The following TBXAS1 variants were observed in gnomAD, a reference collection of about 807,000 sequenced individuals.
The protein encoded by TBXAS1 is thromboxane A synthase 1, also known as thromboxane-A synthase.
A neutral mutation model predicts 60.7 loss-of-function variants in TBXAS1; 48 were observed. The observed-to-expected ratio is 0.79, with a 90% CI of 0.63 to 1.01. The LOEUF (loss-of-function observed/expected upper bound fraction) is 1.01, where lower values mean the gene tolerates loss of function less well. Ranked by LOEUF, TBXAS1 falls within the 50% of genes least tolerant of loss-of-function variation. The pLI, the probability that TBXAS1 is intolerant of heterozygous loss-of-function variation, is 0.00. For synonymous variants in TBXAS1, 287 were observed against 269.7 expected, an observed-to-expected ratio of 1.06 and a Z score of -0.63; for missense variants, 685 against 686.3, an observed-to-expected ratio of 1.00 and a Z score of 0.02.
chr7:140,016,997 T>G (rs150092733), intron 11 of TBXAS1, among the ~76,000 whole-genome samples: 1 of 152,344 alleles, frequency 6.6e-6, no homozygotes, highest in African/African-American at 2.4e-5. Context: ...GAACAGTGAG[T>G]GCCACCTAGC....
intron 4 of TBXAS1, among the ~76,000 whole-genome samples, chr7:139,925,586 G>T (rs1181059835): frequency 2.6e-5 from 4 of 152,244 alleles, no homozygotes; most frequent in South Asian, 2.1e-4. Context: ...CATATCATCT[G>T]CAAACAAAGA....
At chr7:139,950,462 G>GT (rs1368272214) in intron 5 of TBXAS1, among the ~76,000 whole-genome samples, 1 of 152,162 alleles carries the variant, frequency 6.6e-6, no homozygotes, top group African/African-American at 2.4e-5. Flanking sequence ...CTCCCTCCAT[G>GT]AGCCTTGGCA....
chr7:139,875,453 C>A, intron 2 of TBXAS1, 132 bp from the exon 3 acceptor site: 1 of 792,006 alleles, frequency 1.3e-6, no homozygotes, highest in Non-Finnish European at 2.1e-6. Flanking sequence ...TACCTGAAAG[C>A]AATATAACTT....
chr7:139,970,830 A>G (rs1371732351), intron 9 of TBXAS1, among the ~76,000 whole-genome samples: 2 of 152,166 alleles, frequency 1.3e-5, no homozygotes, highest in Non-Finnish European at 2.9e-5. Context: ...CGGCAACCTG[A>G]GCTTTCTGTC....
At position 139,969,737 on chromosome 7, in the gene TBXAS1, C is replaced by T. The variant is rs187378384; in HGVS notation, c.1134+7504C>T. Among the ~76,000 whole-genome samples, 12 of 152,238 alleles carry T rather than the reference C, an allele frequency of 7.9e-5. No individual in the cohort carries two copies. The East Asian group carries it at 2.3e-3, about 29-fold the overall frequency. On this transcript the variant is annotated intron_variant, in intron 9 of 12. Transcript: ENST00000448866. ...CCAGGTCTGCTGGGGTCGGGCTACC[C>T]ACAGTTGGTGAGGAGTAAGTTCAGG...
chr7:139,801,630 C>G (rs972157484), intron 4 of TBXAS1, among the ~76,000 whole-genome samples: 27 of 151,894 alleles, frequency 1.8e-4, no homozygotes, highest in Admixed American at 1.2e-3. Flanking sequence ...CTACCATGCC[C>G]AGCTAATCTT....
chr7:139,824,311 C>T (rs1323945700), upstream of TBXAS1, among the ~76,000 whole-genome samples: 1 of 152,172 alleles, frequency 6.6e-6, no homozygotes, highest in Non-Finnish European at 1.5e-5. Context: ...TGGCTCGAGA[C>T]GGAAAGTCGG....
At chr7:139,809,154 T>C (rs942045670) in intron 4 of TBXAS1, among the ~76,000 whole-genome samples, 7 of 121,002 alleles carry the variant, frequency 5.8e-5, no homozygotes, top group Non-Finnish European at 1.1e-4. Context: ...AGGAGATAGG[T>C]AGATAGATAG....
intron 5 of TBXAS1, among the ~76,000 whole-genome samples, chr7:139,945,458 G>A (rs376923334): frequency 6.6e-6 from 1 of 152,238 alleles, no homozygotes; most frequent in East Asian, 1.9e-4. Flanking sequence ...CTAAGAGACA[G>A]TGCCTCAATC....
chr7:139,837,698 A>T (rs1291999644), intron 1 of TBXAS1, among the ~76,000 whole-genome samples: 1 of 152,206 alleles, frequency 6.6e-6, no homozygotes, highest in Non-Finnish European at 1.5e-5. Context: ...AAAGATTGCA[A>T]ATATGGTGCA....
chr7:139,862,489 TG>T (rs569373218), intron 1 of TBXAS1, among the ~76,000 whole-genome samples: 2 of 151,394 alleles, frequency 1.3e-5, no homozygotes, highest in African/African-American at 4.9e-5. Flanking sequence ...TTAGTTGGAG[TG>T]GGGGGAGGAG....
rs79404992 is a variant in TBXAS1, at chr7:139,948,852, G to A, written c.451-4516G>A. Reference sequence around the variant, plus strand: ...CAACTCATGTAAAAGTAAATATTCCGTAACTGCTGTGTAAAATGCAAGGAA... The same window carrying A: ...CAACTCATGTAAAAGTAAATATTCCATAACTGCTGTGTAAAATGCAAGGAA... On this transcript the variant is annotated intron_variant, in intron 5 of 12. Transcript: ENST00000448866. Among the ~76,000 whole-genome samples, 526 of 152,310 alleles carry A rather than the reference G, an allele frequency of 3.5e-3. 3 individuals are homozygous for A. The highest frequency in any genetic ancestry group is 0.012 in the African/African-American group (503 of 41,552).
rs548990314 is a variant in TBXAS1 at position 139,972,814 on chromosome 7, G to A, written c.1134+10581G>A. The stretch of plus-strand genomic sequence containing the variant: ...GTAAACCCCACGACTAGGAAGCCTC[G>A]TCCGCTGGGTACCTTGGTAGGTCCC... On this transcript the variant is annotated intron_variant, in intron 9 of 12. Transcript: ENST00000448866. Among the ~76,000 whole-genome samples, 12 of 152,216 alleles carry A rather than the reference G, an allele frequency of 7.9e-5. No homozygotes were observed. The South Asian group carries it at 1.5e-3, about 18-fold the overall frequency.
chr7:139,930,682 G>T (rs1056779392), intron 4 of TBXAS1, among the ~76,000 whole-genome samples: 3 of 152,008 alleles, frequency 2.0e-5, no homozygotes, highest in African/African-American at 7.3e-5. Context: ...TCAGAAAGGG[G>T]TGGGGAACTG....
intron 4 of TBXAS1, among the ~76,000 whole-genome samples, chr7:139,805,140 C>A (rs771816405): frequency 1.3e-5 from 2 of 152,256 alleles, no homozygotes; most frequent in Admixed American, 6.5e-5. Context: ...CAATCCTGAT[C>A]ACAGCCATCA....
chr7:139,946,036 A>G (rs1808683450), intron 5 of TBXAS1, among the ~76,000 whole-genome samples: 2 of 152,204 alleles, frequency 1.3e-5, no homozygotes, highest in Non-Finnish European at 1.5e-5. Flanking sequence ...AATAACAAGT[A>G]TTTTTGGAAG....
intron 3 of TBXAS1, among the ~76,000 whole-genome samples, chr7:139,905,137 G>A (rs906756823): frequency 5.4e-5 from 8 of 148,186 alleles, no homozygotes; most frequent in Non-Finnish European, 1.5e-5. Flanking sequence ...TTCTGGCTAG[G>A]ACTTCCAGTA....
chr7:139,869,604 G>A (rs946807240), intron 1 of TBXAS1, among the ~76,000 whole-genome samples: 3 of 151,962 alleles, frequency 2.0e-5, no homozygotes, highest in African/African-American at 7.3e-5. Context: ...GGCTAGGCTG[G>A]TCTTGAGCTC....
chr7:140,010,571 G>C (rs769330530), intron 10 of TBXAS1, among the ~76,000 whole-genome samples: 2 of 152,318 alleles, frequency 1.3e-5, no homozygotes, highest in East Asian at 3.9e-4. Flanking sequence ...GGGTGCCAGG[G>C]AACAGCTTCA....
Sources: gnomAD v4.1 joint callset for allele counts (sites outside exome capture counted in the v4.1 genomes callset) on GRCh38, gnomAD v4.1.1 for gene constraint, MANE v1.5 for transcripts, NCBI Gene and HGNC (gene_info 2026-07-23, HGNC 2026-07-21) for gene names.